The following MACF1 variants were observed in gnomAD, a reference collection of about 807,000 sequenced individuals.
MACF1 encodes microtubule-actin cross-linking factor 1.
Under a neutral mutation model 854.8 loss-of-function variants are expected in MACF1, and 193 were observed. The observed-to-expected ratio is 0.23, with a 90% CI of 0.20 to 0.25. The LOEUF (loss-of-function observed/expected upper bound fraction) is 0.25. MACF1 is among the 10% of genes least tolerant of loss of function. The pLI, the probability that MACF1 is intolerant of heterozygous loss-of-function variation, is 1.00. For missense variants in MACF1, 7,722 were observed against 8,929.1 expected (o/e 0.86, Z 5.45); for synonymous variants, 3,185 against 3,226.7 (o/e 0.99, Z 0.44).
At chr1:39,162,108 C>T (rs1027840983) in intron 2 of MACF1, among the ~76,000 whole-genome samples, 3 of 151,630 alleles carry the variant, frequency 2.0e-5, no homozygotes, top group African/African-American at 7.3e-5. Context: ...TCAAGCAATT[C>T]TTGTACCTCA....
At chr1:39,423,055 A>G (rs574355224) in intron 60 of MACF1, among the ~76,000 whole-genome samples, 155 bp downstream of exon 60, 1 of 152,234 alleles carries the variant, frequency 6.6e-6, no homozygotes, top group Admixed American at 6.5e-5. Flanking sequence ...GATTTTCATT[A>G]TCTTACTTAA....
intron 1 of MACF1, among the ~76,000 whole-genome samples, chr1:39,212,879 C>T (rs1414917947): frequency 2.6e-5 from 4 of 152,262 alleles, no homozygotes. Flanking sequence ...CCCACCTTGG[C>T]CTCCCAAAAG....
chr1:39,419,798 A>AGTGTGTGTGTGTGTGTGTGTGT lies in MACF1; in HGVS notation c.15817-2553_15817-2532dup, dbSNP rs3080664. Among the ~76,000 whole-genome samples, 7 of 131,054 alleles carry AGTGTGTGTGTGTGTGTGTGTGT rather than the reference A, an allele frequency of 5.3e-5. No homozygotes were observed. The East Asian group carries it at 9.3e-4, about 17-fold the overall frequency. 86.0% of individuals were successfully genotyped at this position (131,054 alleles called of 152,430 possible). A position where few individuals can be genotyped will look rare whatever the true frequency, so the allele number is the denominator to read the frequency against. ...CAGGCGTGCGCCACCATGCCTGGCT[A>AGTGTGTGTGTGTGTGTGTGTGT]GTGTGTGTGTGTGTGTGTGTGTGTG... is the stretch of plus-strand genomic sequence containing the variant. On this transcript the variant is annotated intron_variant, in intron 58 of 100. Coordinates refer to ENST00000564288, the MANE Select transcript of MACF1 (RefSeq NM_001394062.1).
At chr1:39,123,721 T>A (rs1230294040) in intron 2 of MACF1, among the ~76,000 whole-genome samples, 4 of 134,972 alleles carry the variant, frequency 3.0e-5, no homozygotes, top group Non-Finnish European at 4.8e-5. Context: ...TGTTTTGTTT[T>A]TTTTTTTTTT....
intron 2 of MACF1, among the ~76,000 whole-genome samples, chr1:39,187,895 T>TCTCTCTCTCTCTCTC (rs1553160213): frequency 1.5e-5 from 1 of 68,398 alleles, no homozygotes; most frequent in African/African-American, 5.2e-5. Flanking sequence ...TCTCTCTCTC[T>TCTCTCTCTCTCTCTC]CTCTCTCCTC....
chr1:39,400,838 C>T (rs1278879216), intron 58 of MACF1, among the ~76,000 whole-genome samples: 1 of 152,046 alleles, frequency 6.6e-6, no homozygotes, highest in Admixed American at 6.6e-5. Flanking sequence ...AACAGTTACC[C>T]CTCTTTGTGC....
At chr1:39,144,878 A>G (rs1643428409) in intron 2 of MACF1, among the ~76,000 whole-genome samples, 2 of 152,088 alleles carry the variant, frequency 1.3e-5, no homozygotes, top group Admixed American at 1.3e-4. Flanking sequence ...ACATCCCAGA[A>G]TCTGGTCACA....
rs571852251 is a variant in MACF1, at chr1:39,160,116, A to G, written c.221-71066A>G. ...GATCGCTTGAACCCAGGAGTTCTAGACCAGCCTGGGCAACATAATGAGACC... is the reference window on the plus strand; with the variant it reads ...GATCGCTTGAACCCAGGAGTTCTAGGCCAGCCTGGGCAACATAATGAGACC... On this transcript the variant is annotated intron_variant, in intron 2 of 93. Coordinates refer to the MACF1 transcript ENST00000361689. Among the ~76,000 whole-genome samples the G allele has an allele frequency of 5.0e-4, 76 of 152,172 alleles. 1 individual carries two copies. Among genetic ancestry groups the G allele is most frequent in the African/African-American group, 1.7e-3 (72 of 41,494 alleles).
At chr1:39,396,319 CAAAA>C (rs1165225801) in intron 58 of MACF1, among the ~76,000 whole-genome samples, 2 of 81,622 alleles carry the variant, frequency 2.5e-5, no homozygotes, top group Non-Finnish European at 2.8e-5. Context: ...GACTCCATCT[CAAAA>C]AAAAAAAAAA....
At chr1:39,171,482 C>G (rs1643947990) in intron 2 of MACF1, among the ~76,000 whole-genome samples, 1 of 152,122 alleles carries the variant, frequency 6.6e-6, no homozygotes, top group African/African-American at 2.4e-5. Flanking sequence ...GACTTGCCTG[C>G]CCTGGATTTG....
intron 34 of MACF1, 131 bp downstream of exon 34, chr1:39,324,476 A>C (rs1277072906): frequency 1.6e-6 from 2 of 1,242,966 alleles, no homozygotes; most frequent in Non-Finnish European, 2.2e-6. Flanking sequence ...AAGAAACTTA[A>C]GAAGCCATCT....
chr1:39,286,402 T>C (rs993894500), intron 14 of MACF1, among the ~76,000 whole-genome samples: 5 of 152,080 alleles, frequency 3.3e-5, no homozygotes, highest in African/African-American at 1.2e-4. Context: ...ACATTCTTTT[T>C]ATAGGGGGGA....
intron 2 of MACF1, among the ~76,000 whole-genome samples, chr1:39,174,025 T>C (rs1643990363): frequency 6.6e-6 from 1 of 152,086 alleles, no homozygotes; most frequent in Non-Finnish European, 1.5e-5. Flanking sequence ...TAAATAGAAC[T>C]AAGGGAGACT....
chr1:39,296,193 T>C (rs911896025), intron 20 of MACF1, among the ~76,000 whole-genome samples: 7 of 152,148 alleles, frequency 4.6e-5, no homozygotes, highest in Non-Finnish European at 1.5e-5. Flanking sequence ...CATGTGTCTC[T>C]AGCATCCAGC....
At chr1:39,398,139 CT>C (rs750827427) in intron 58 of MACF1, among the ~76,000 whole-genome samples, 7,888 of 134,266 alleles carry the variant, frequency 0.059, 257 homozygotes, top group African/African-American at 0.098. Context: ...CCCGCCACTC[CT>C]TTTTTTTTTT....
At chr1:39,288,492 C>T (rs978087021) in intron 15 of MACF1, among the ~76,000 whole-genome samples, 1 of 140,296 alleles carries the variant, frequency 7.1e-6, no homozygotes, top group Admixed American at 7.3e-5. Context: ...AGTGAGACTC[C>T]ATCTAAAAAA....
chr1:39,447,999 C>T, intron 82 of MACF1, 34 bp from the exon 83 acceptor site: 1 of 1,613,160 alleles, frequency 6.2e-7, no homozygotes, highest in South Asian at 1.1e-5. Flanking sequence ...TGTGTATATT[C>T]ATTCCTGTTA....
chr1:39,331,118 A>G (rs969467018), intron 36 of MACF1, 85 bp from the exon 37 acceptor site: 2 of 1,439,982 alleles, frequency 1.4e-6, no homozygotes, highest in East Asian at 2.5e-5. Flanking sequence ...GACTCCTTTC[A>G]ATAGTTGTGC....
chr1:39,337,691 C>T (rs1045115808), intron 38 of MACF1, among the ~76,000 whole-genome samples: 20 of 151,248 alleles, frequency 1.3e-4, no homozygotes, highest in Non-Finnish European at 2.9e-5. Context: ...CTCAGCCTCC[C>T]GAATAGCTGC....
Sources: allele counts gnomAD v4.1 joint callset (sites outside exome capture counted in the v4.1 genomes callset), GRCh38; gene constraint gnomAD v4.1.1; transcripts MANE v1.5; gene names NCBI Gene and HGNC (gene_info 2026-07-23, HGNC 2026-07-21).